Variants in ZNF385C observed in about 807,000 individuals in gnomAD.
ZNF385C encodes the protein CTD-2132N18.2.
Under a neutral mutation model 35.4 loss-of-function variants are expected in ZNF385C, and 28 were observed. That is an observed-to-expected ratio of 0.79 (90% CI 0.59 to 1.08). The LOEUF is 1.08. ZNF385C is among the 50% of genes least tolerant of loss of function. The probability of loss-of-function intolerance (pLI) is 0.00; values close to 1 mark genes in which losing one functional copy is unlikely to be tolerated. For synonymous variants in ZNF385C, 248 were observed against 248.2 expected, an observed-to-expected ratio of 1.00 and a Z score of 0.01; for missense variants, 605 against 595.6, an observed-to-expected ratio of 1.02 and a Z score of -0.16.
At chr17:42,069,859 A>G (rs1326492286) in intron 1 of ZNF385C, among the ~76,000 whole-genome samples, 1 of 152,028 alleles carries the variant, frequency 6.6e-6, no homozygotes, top group Non-Finnish European at 1.5e-5. Flanking sequence ...CCTGGCCAAC[A>G]TGGTGAAACC....
At chr17:42,079,641 G>C (rs1555659584) in intron 1 of ZNF385C, among the ~76,000 whole-genome samples, 2 of 151,922 alleles carry the variant, frequency 1.3e-5, no homozygotes, top group Non-Finnish European at 1.5e-5. Flanking sequence ...ACTCCAGCCT[G>C]GGTGAAAGAG....
At position 42,040,276 on chromosome 17, in the gene ZNF385C, C is replaced by T. The variant is rs1420534691; in HGVS notation, c.251-2391G>A. 1.4e-5 allele frequency: 17 copies of T among 1,231,298 alleles called. No individual in the cohort carries two copies. The East Asian group carries it at 2.8e-4, about 21-fold the overall frequency. 76.3% of individuals were successfully genotyped at this position (1,231,298 alleles called of 1,614,324 possible). Reference sequence around the variant, plus strand: ...GAAGGATCCCCGGAGCCACTCCAAGCCCCGGACCGCAGCCTCGGAGTAACC... The same window carrying T: ...GAAGGATCCCCGGAGCCACTCCAAGTCCCGGACCGCAGCCTCGGAGTAACC... On this transcript the variant is annotated intron_variant, in intron 2 of 8. Coordinates refer to ENST00000692273, the MANE Select transcript of ZNF385C (RefSeq NM_001392013.1).
chr17:42,076,338 C>T (rs1028631453), intron 1 of ZNF385C, among the ~76,000 whole-genome samples: 1 of 152,112 alleles, frequency 6.6e-6, no homozygotes, highest in Non-Finnish European at 1.5e-5. Flanking sequence ...GGGGGAGGCT[C>T]TGGCCGGGCG....
chr17:42,030,564 C>T (rs2052704339), intron 5 of ZNF385C, among the ~76,000 whole-genome samples: 1 of 152,118 alleles, frequency 6.6e-6, no homozygotes, highest in Non-Finnish European at 1.5e-5. Flanking sequence ...CTCTATGTTT[C>T]ACCAAAAATA....
At chr17:42,081,295 G>A (rs920773040) in intron 1 of ZNF385C, among the ~76,000 whole-genome samples, 2 of 152,180 alleles carry the variant, frequency 1.3e-5, no homozygotes, top group Non-Finnish European at 2.9e-5. Context: ...TGGCTGACCT[G>A]AGGGATAGGC....
rs1555660451 is a variant in ZNF385C, at chr17:42,090,622, CGGTGG to C, written c.-3+7783_-3+7787del. On this transcript the variant is annotated intron_variant, in intron 1 of 8. Coordinates refer to ENST00000692273, the MANE Select transcript of ZNF385C (RefSeq NM_001392013.1). ...TTGAGAACCTATCTTAGGCTGGGCA[CGGTGG>C]CTCACGCCTGTAATCCCAGCACTTT... is the stretch of plus-strand genomic sequence containing the variant. Among the ~76,000 whole-genome samples, 3 of 149,484 alleles carry C rather than the reference CGGTGG, an allele frequency of 2.0e-5. No individual in the cohort carries two copies. In the East Asian group the frequency reaches 6.4e-4, roughly 32 times the overall value.
Position 42,037,791 on chromosome 17 carries a change from G to A in ZNF385C, c.345C>T (p.Leu115=), listed in dbSNP as rs781823504. 13 of 1,533,298 alleles carry A rather than the reference G, an allele frequency of 8.5e-6. No individual in the cohort carries two copies. The East Asian group carries it at 1.7e-4, about 20-fold the overall frequency. 95.0% of individuals were successfully genotyped at this position (1,533,298 alleles called of 1,614,324 possible). The change falls in exon 3 of 9, where the codon CTC becomes CTT. Residue 115 remains leucine (L), a synonymous_variant. Coordinates refer to ENST00000692273, the MANE Select transcript of ZNF385C (RefSeq NM_001392013.1). ...LQPPLDFKHL[L]AFHFNGAAPL... ...GGGCAGCGCCATTGAAGTGGAAGGC[G>A]AGCAAGTGCTTGAAGTCCAGCGGGG... is the stretch of plus-strand genomic sequence containing the variant.
At chr17:42,038,083 C>A in intron 2 of ZNF385C, 198 bp from the exon 3 acceptor site, 1 of 1,534,642 alleles carries the variant, frequency 6.5e-7, no homozygotes, top group Non-Finnish European at 8.7e-7. Context: ...GAAGCAGAGG[C>A]AGGGAGTCCA....
chr17:42,079,203 A>AAAT (rs1555659529), intron 1 of ZNF385C, among the ~76,000 whole-genome samples: 5 of 113,822 alleles, frequency 4.4e-5, no homozygotes, highest in Admixed American at 8.8e-5. Flanking sequence ...AAAAAAAAAA[A>AAAT]ATATATATAT....
At chr17:42,037,678 C>T (rs1391564777) in intron 3 of ZNF385C, 59 bp downstream of exon 3, 5 of 1,456,760 alleles carry the variant, frequency 3.4e-6, no homozygotes, top group Non-Finnish European at 4.5e-6. Context: ...TCTGAACCCA[C>T]CTTCTGTGCC....
chr17:42,032,728 T>C (rs1236777790), intron 4 of ZNF385C, among the ~76,000 whole-genome samples: 2 of 152,012 alleles, frequency 1.3e-5, no homozygotes, highest in Non-Finnish European at 1.5e-5. Flanking sequence ...TTTTTTTTTT[T>C]TGAGACGGAA....
At chr17:42,037,482 A>C (rs2052885674) in intron 3 of ZNF385C, among the ~76,000 whole-genome samples, 2 of 152,058 alleles carry the variant, frequency 1.3e-5, no homozygotes, top group Non-Finnish European at 2.9e-5. Context: ...AGGCCCTTGC[A>C]GGCCCAGCAG....
Position 42,026,684 on chromosome 17 carries a change from A to G in ZNF385C, c.*213T>C. 1 of 602,008 alleles carries G rather than the reference A, an allele frequency of 1.7e-6. No individual in the cohort carries two copies. Among genetic ancestry groups the G allele is most frequent in the Non-Finnish European group, 3.0e-6 (1 of 338,166 alleles). The allele number at this position is 602,008 out of a possible 1,614,324, so 37.3% of individuals were successfully genotyped here. A position where few individuals can be genotyped will look rare whatever the true frequency, so the allele number is the denominator to read the frequency against. ...TCTGTCAGGGTGGGAAATGCAGGCAAGCCTAGGATTAACCCTGGAAGGCCT... is the reference window on the plus strand; with the variant it reads ...TCTGTCAGGGTGGGAAATGCAGGCAGGCCTAGGATTAACCCTGGAAGGCCT... On this transcript the variant is annotated 3_prime_UTR_variant, in exon 9 of 9. Transcript: ENST00000692273.
At chr17:42,071,298 C>T (rs1555658799) in intron 1 of ZNF385C, among the ~76,000 whole-genome samples, 1 of 152,166 alleles carries the variant, frequency 6.6e-6, no homozygotes, top group African/African-American at 2.4e-5. Context: ...CTGCTGAAAG[C>T]CAACACTCCA....
At chr17:42,089,340 T>A (rs1266354124) in intron 1 of ZNF385C, among the ~76,000 whole-genome samples, 1 of 151,432 alleles carries the variant, frequency 6.6e-6, no homozygotes, top group Non-Finnish European at 1.5e-5. Context: ...AATAAATAAA[T>A]AAAAATAAAG....
chr17:42,066,930 G>T (rs547118916), intron 1 of ZNF385C, among the ~76,000 whole-genome samples: 21 of 152,276 alleles, frequency 1.4e-4, no homozygotes, highest in Non-Finnish European at 2.1e-4. Context: ...TTAGCCAGGC[G>T]CGGTGGTGGG....
chr17:42,058,266 C>T (rs2053410445), intron 2 of ZNF385C, among the ~76,000 whole-genome samples: 1 of 152,182 alleles, frequency 6.6e-6, no homozygotes, highest in African/African-American at 2.4e-5. Flanking sequence ...CTGCCTGTAA[C>T]CACCTGTCAC....
At position 42,050,283 on chromosome 17, in the gene ZNF385C, AC is replaced by A. The variant is rs1332816986; in HGVS notation, c.251-12399del. 6.6e-6 allele frequency among the ~76,000 whole-genome samples: 1 copy of A among 152,038 alleles called. No individual in the cohort carries two copies. The highest frequency in any genetic ancestry group is 1.5e-5 in the Non-Finnish European group (1 of 67,958). On this transcript the variant is annotated intron_variant, in intron 2 of 8. Coordinates refer to ENST00000692273, the MANE Select transcript of ZNF385C (RefSeq NM_001392013.1). The surrounding 1 kb of genome is among the most constrained non-coding windows in gnomAD (Gnocchi z 5.6). ...GCTCCTGGGGGCCCCTTGCTTTGGG[AC>A]CCCACTAAGAGAAGTCCAGCACTCA...
At chr17:42,072,595 C>A (rs2053640786) in intron 1 of ZNF385C, among the ~76,000 whole-genome samples, 1 of 152,014 alleles carries the variant, frequency 6.6e-6, no homozygotes, top group South Asian at 2.1e-4. Flanking sequence ...CGGCTGCGTC[C>A]AGCCGCTCGC....
Sources: allele counts gnomAD v4.1 joint callset (sites outside exome capture counted in the v4.1 genomes callset), GRCh38; gene constraint gnomAD v4.1.1; non-coding constraint Gnocchi (gnomAD v3.1); transcripts MANE v1.5; gene names NCBI Gene and HGNC (gene_info 2026-07-23, HGNC 2026-07-21).